Variants in IL19 observed in about 807,000 individuals in gnomAD.
The protein encoded by IL19 is interleukin-19.
In IL19, 15 loss-of-function variants were observed where a neutral mutation model predicts 19.5. The ratio of observed to expected loss-of-function variants is 0.77; its 90% CI spans 0.52 to 1.19. The LOEUF is 1.19. IL19 is among the 50% of genes most tolerant of loss of function. IL19 has a pLI of 0.00. For missense variants in IL19, 199 were observed against 213.1 expected (o/e 0.93, Z 0.41); for synonymous variants, 78 against 78.3 (o/e 1.00, Z 0.02).
rs138319709 is a variant in IL19, at chr1:206,842,041, T to C, written c.439-486T>C. On this transcript the variant is annotated intron_variant, in intron 6 of 6. Transcript: ENST00000659997. ...GACTTGGGTTTCATTTCCAGCTCTG[T>C]TACTAACTGGCTGTGTGACATTGGG... Among the ~76,000 whole-genome samples the C allele has an allele frequency of 8.9e-3, 1,348 of 152,266 alleles. 17 individuals are homozygous for C. Among genetic ancestry groups the C allele is most frequent in the Middle Eastern group, 0.034 (10 of 292 alleles).
intron 2 of IL19, among the ~76,000 whole-genome samples, chr1:206,799,932 C>T (rs11119585): frequency 0.32 from 47,916 of 152,112 alleles, 8,237 homozygotes; most frequent in East Asian, 0.68. Flanking sequence ...ATTATTTTTA[C>T]AAACATCTCA....
At chr1:206,781,148 T>C (rs578165036) in intron 1 of IL19, among the ~76,000 whole-genome samples, 7 of 151,920 alleles carry the variant, frequency 4.6e-5, no homozygotes, top group African/African-American at 1.4e-4. Flanking sequence ...AGAAACCTTA[T>C]AAAAGAGAGG....
intron 6 of IL19, among the ~76,000 whole-genome samples, chr1:206,842,062 T>C (rs1677034855): frequency 6.6e-6 from 1 of 152,104 alleles, no homozygotes. Flanking sequence ...CTGTGTGACA[T>C]TGGGTAGGAC....
chr1:206,772,580 G>C, intron 1 of IL19: 1 of 759,720 alleles, frequency 1.3e-6, no homozygotes, highest in East Asian at 2.7e-5. Flanking sequence ...AAGGTTTCCC[G>C]GCACAGGATT....
intron 2 of IL19, among the ~76,000 whole-genome samples, chr1:206,825,951 G>A (rs1282343630): frequency 6.6e-6 from 1 of 152,202 alleles, no homozygotes; most frequent in East Asian, 1.9e-4. Flanking sequence ...ACCAGAGCTT[G>A]ACCTTCAAAC....
chr1:206,780,116 A>T (rs1675096862), intron 1 of IL19, among the ~76,000 whole-genome samples: 1 of 152,156 alleles, frequency 6.6e-6, no homozygotes, highest in South Asian at 2.1e-4. Flanking sequence ...ATCATTCCCC[A>T]GTCTAGGTCA....
chr1:206,772,365 G>C lies in IL19; in HGVS notation c.-149+1287G>C, dbSNP rs1674877288. ...GTGGGTGCAGCTGTTCTCAGACTGG[G>C]TGCCCTGGCCTGGGCTGGCCCTCAC... On this transcript the variant is annotated intron_variant, in intron 1 of 6. Transcript: ENST00000659997. 7.4e-6 allele frequency: 12 copies of C among 1,614,180 alleles called. No homozygotes were observed. Among genetic ancestry groups the C allele is most frequent in the Non-Finnish European group, 9.3e-6 (11 of 1,180,010 alleles).
intron 1 of IL19, among the ~76,000 whole-genome samples, chr1:206,776,369 G>A (rs1036550746): frequency 2.6e-5 from 4 of 152,034 alleles, no homozygotes; most frequent in East Asian, 1.9e-4. Flanking sequence ...AGGAAGCTCC[G>A]CCCAGTAAGT....
chr1:206,828,958 C>T (rs1005100103), intron 2 of IL19: 7 of 151,244 alleles, frequency 4.6e-5, no homozygotes, highest in African/African-American at 1.7e-4. Context: ...CCTCAACTTC[C>T]TGACTACAGG....
intron 2 of IL19, among the ~76,000 whole-genome samples, chr1:206,819,268 C>A (rs1676235890): frequency 6.6e-6 from 1 of 151,646 alleles, no homozygotes; most frequent in South Asian, 2.1e-4. Context: ...AGTGGCCATC[C>A]AAATTTAAAT....
chr1:206,812,811 T>C (rs1676047566), intron 2 of IL19, among the ~76,000 whole-genome samples: 2 of 152,238 alleles, frequency 1.3e-5, no homozygotes, highest in Admixed American at 6.5e-5. Context: ...TGTGTATTTG[T>C]ATATATTAAT....
intron 4 of IL19, among the ~76,000 whole-genome samples, chr1:206,839,378 C>T (rs923836644): frequency 2.6e-5 from 4 of 152,182 alleles, no homozygotes; most frequent in Non-Finnish European, 5.9e-5. Context: ...GCATACCTAG[C>T]AGGATGACTG....
chr1:206,798,848 A>AT lies in IL19; in HGVS notation c.-148-9dup, dbSNP rs1675597690. The AT allele has an allele frequency of 7.2e-7, 1 of 1,379,868 alleles. No individual in the cohort carries two copies. Among genetic ancestry groups the AT allele is most frequent in the Middle Eastern group, 2.4e-4 (1 of 4,150 alleles). The allele number at this position is 1,379,868 out of a possible 1,614,324, so 85.5% of individuals were successfully genotyped here. A position where few individuals can be genotyped will look rare whatever the true frequency, so the allele number is the denominator to read the frequency against. On this transcript the variant is annotated splice_polypyrimidine_tract_variant and intron_variant, in intron 1 of 6. Coordinates refer to ENST00000659997, the MANE Select transcript of IL19 (RefSeq NM_153758.5). The stretch of plus-strand genomic sequence containing the variant: ...CTTTTTGTAATGATGACTCTCTATG[A>AT]TTTTCTCCATAGAGCGGTGCTTGCA...
intron 2 of IL19, among the ~76,000 whole-genome samples, chr1:206,812,685 T>TA (rs1246381519): frequency 3.9e-5 from 6 of 151,960 alleles, no homozygotes; most frequent in Non-Finnish European, 8.8e-5. Context: ...CCCCACCACA[T>TA]AAAAAACCCC....
rs755490123 is a variant in IL19, at chr1:206,770,965, G to A, written c.-262G>A. The A allele has an allele frequency of 9.9e-6, 16 of 1,613,956 alleles. No individual in the cohort carries two copies. The highest frequency in any genetic ancestry group is 4.5e-5 in the East Asian group (2 of 44,898). On this transcript the variant is annotated 5_prime_UTR_variant, in exon 1 of 7. Coordinates refer to ENST00000659997, the MANE Select transcript of IL19 (RefSeq NM_153758.5). Reference sequence around the variant, plus strand: ...GTTCTCCCCCAGGGAGTTCACATGCGCCTTGATGTCTGGGTCTTGGTTCTC... The same window carrying A: ...GTTCTCCCCCAGGGAGTTCACATGCACCTTGATGTCTGGGTCTTGGTTCTC...
At chr1:206,831,489 G>A (rs1357660030) in intron 2 of IL19, among the ~76,000 whole-genome samples, 4 of 152,118 alleles carry the variant, frequency 2.6e-5, no homozygotes, top group Admixed American at 6.5e-5. Context: ...TTTGATATTA[G>A]GGGTCAGGCA....
chr1:206,834,444 C>T (rs1291979254), intron 2 of IL19: 15 of 985,438 alleles, frequency 1.5e-5, no homozygotes, highest in Admixed American at 6.1e-5. Flanking sequence ...TATGCACCGC[C>T]ATCCTAGCCC....
At chr1:206,836,561 C>T (rs558667927) in intron 2 of IL19, 100 bp from the exon 3 acceptor site, 32 of 1,109,162 alleles carry the variant, frequency 2.9e-5, no homozygotes, top group South Asian at 1.1e-4. Flanking sequence ...GTATTCCTCC[C>T]GGCTTGCCTT....
chr1:206,795,353 C>T (rs1453881590), intron 1 of IL19, among the ~76,000 whole-genome samples: 1 of 152,206 alleles, frequency 6.6e-6, no homozygotes, highest in Non-Finnish European at 1.5e-5. Context: ...TTGCCTTTGG[C>T]TCTGAGGCTG....
Sources: gnomAD v4.1 joint callset for allele counts (sites outside exome capture counted in the v4.1 genomes callset) on GRCh38, gnomAD v4.1.1 for gene constraint, MANE v1.5 for transcripts, NCBI Gene and HGNC (gene_info 2026-07-23, HGNC 2026-07-21) for gene names.